ASTN1: variants seen among roughly 807,000 people sequenced by gnomAD.
ASTN1 encodes astrotactin 1.
ASTN1 carries 41 observed loss-of-function variants against 140.7 expected under a neutral mutation model. That is an observed-to-expected ratio of 0.29 (90% CI 0.23 to 0.38). ASTN1 has a LOEUF of 0.38. ASTN1 is among the 10% of genes least tolerant of loss of function. The pLI is 1.00. For synonymous variants in ASTN1, 640 were observed against 652.2 expected, an observed-to-expected ratio of 0.98 and a Z score of 0.29; for missense variants, 1,479 against 1,678.8, an observed-to-expected ratio of 0.88 and a Z score of 2.08.
At chr1:177,129,612 G>T (rs1040016369) in intron 1 of ASTN1, among the ~76,000 whole-genome samples, 1 of 152,192 alleles carries the variant, frequency 6.6e-6, no homozygotes, top group Non-Finnish European at 1.5e-5. Flanking sequence ...ACATTCTTGA[G>T]ACCCAGTGAC....
chr1:177,035,675 G>A (rs147140127), intron 2 of ASTN1, among the ~76,000 whole-genome samples: 2 of 152,216 alleles, frequency 1.3e-5, no homozygotes, highest in African/African-American at 4.8e-5. Flanking sequence ...TTCAACTTAG[G>A]GACCCATTGC....
In ASTN1 at chr1:176,949,171, G is replaced by A; in HGVS notation, c.2054+14C>T. 6.2e-7 allele frequency: 1 copy of A among 1,613,154 alleles called. No homozygotes were observed. Among genetic ancestry groups the A allele is most frequent in the Non-Finnish European group, 8.5e-7 (1 of 1,179,702 alleles). On this transcript the variant is annotated intron_variant, in intron 12 of 22. Transcript: ENST00000361833. The stretch of plus-strand genomic sequence containing the variant: ...AGATGGACGCCAGGTGGCCTCGCTG[G>A]CAGCTCAACTCACCCACAGAACATG...
chr1:176,936,443 C>T, intron 14 of ASTN1, 73 bp from the exon 15 acceptor site: 1 of 1,156,124 alleles, frequency 8.6e-7, no homozygotes, highest in Non-Finnish European at 1.3e-6. Context: ...CATGACCCAC[C>T]TCTATGAGGC....
chr1:177,096,703 G>A (rs1205469907), intron 1 of ASTN1, among the ~76,000 whole-genome samples: 1 of 152,062 alleles, frequency 6.6e-6, no homozygotes, highest in Non-Finnish European at 1.5e-5. Flanking sequence ...ATGCCCTCTT[G>A]CCTGCTGCCA....
At chr1:177,084,820 TTCA>T in intron 1 of ASTN1, among the ~76,000 whole-genome samples, 1 of 152,322 alleles carries the variant, frequency 6.6e-6, no homozygotes, top group East Asian at 1.9e-4. Flanking sequence ...TCTTTTTTTT[TTCA>T]TCAATTGTCC....
chr1:176,948,130 C>G, intron 12 of ASTN1, among the ~76,000 whole-genome samples: 1 of 152,148 alleles, frequency 6.6e-6, no homozygotes, highest in East Asian at 1.9e-4. Flanking sequence ...AACAATCCAG[C>G]CTAGTTTTAT....
At chr1:176,959,916 G>A (rs1251349185) in intron 9 of ASTN1, among the ~76,000 whole-genome samples, 4 of 152,144 alleles carry the variant, frequency 2.6e-5, no homozygotes, top group Non-Finnish European at 5.9e-5. Context: ...GTGCAGGGAG[G>A]TGCCTGCACC....
chr1:177,010,239 T>C (rs892470143), intron 8 of ASTN1, among the ~76,000 whole-genome samples: 1 of 152,142 alleles, frequency 6.6e-6, no homozygotes, highest in African/African-American at 2.4e-5. Flanking sequence ...ACACAGACTT[T>C]AATAGTCTGT....
intron 14 of ASTN1, among the ~76,000 whole-genome samples, chr1:176,942,803 A>G (rs1671775456): frequency 9.8e-6 from 1 of 101,936 alleles, no homozygotes; most frequent in African/African-American, 3.3e-5. Flanking sequence ...GACCAAACCA[A>G]TGTACTTTGT....
At chr1:177,041,846 A>T (rs1030219292) in intron 2 of ASTN1, among the ~76,000 whole-genome samples, 20 of 152,086 alleles carry the variant, frequency 1.3e-4, no homozygotes, top group Non-Finnish European at 2.2e-4. Context: ...TTAATGGGGG[A>T]AAAGAGGTTC....
At chr1:176,988,126 G>A (rs1355243888) in intron 8 of ASTN1, among the ~76,000 whole-genome samples, 2 of 152,108 alleles carry the variant, frequency 1.3e-5, no homozygotes, top group Non-Finnish European at 1.5e-5. Context: ...AAATATCCAA[G>A]AGGTAGTTGA....
intron 8 of ASTN1, among the ~76,000 whole-genome samples, chr1:176,979,581 C>T (rs181132627): frequency 2.4e-4 from 36 of 152,300 alleles, no homozygotes; most frequent in Non-Finnish European, 4.6e-4. Context: ...GTTTCAGTGA[C>T]TCCCTTGCCA....
chr1:177,069,863 A>G (rs1372464346), intron 1 of ASTN1, among the ~76,000 whole-genome samples: 1 of 144,268 alleles, frequency 6.9e-6, no homozygotes, highest in Non-Finnish European at 1.5e-5. Flanking sequence ...AAGGATAAAG[A>G]AAAAAAAAAA....
intron 11 of ASTN1, among the ~76,000 whole-genome samples, chr1:176,957,122 T>C (rs1319133799): frequency 2.6e-5 from 4 of 152,054 alleles, no homozygotes; most frequent in Non-Finnish European, 5.9e-5. Context: ...CAGGCTGGTC[T>C]CAAACTCCTG....
intron 8 of ASTN1, among the ~76,000 whole-genome samples, 176 bp downstream of exon 8, chr1:177,014,615 T>C (rs905122627): frequency 3.3e-5 from 5 of 152,310 alleles, no homozygotes; most frequent in Admixed American, 1.3e-4. Context: ...AAAGATGATA[T>C]AGACGTCACT....
At chr1:176,926,043 C>A (rs970451928) in intron 16 of ASTN1, among the ~76,000 whole-genome samples, 1 of 152,100 alleles carries the variant, frequency 6.6e-6, no homozygotes, top group Admixed American at 6.5e-5. Context: ...TTCTGACCTC[C>A]TGATCTGTCC....
At chr1:176,972,402 G>A (rs147884901) in intron 8 of ASTN1, among the ~76,000 whole-genome samples, 2 of 152,332 alleles carry the variant, frequency 1.3e-5, no homozygotes, top group Non-Finnish European at 2.9e-5. Context: ...GAGCCACAGG[G>A]TTGTTGAGTT....
chr1:176,885,759 A>G (rs932008338), intron 18 of ASTN1, among the ~76,000 whole-genome samples: 1 of 152,180 alleles, frequency 6.6e-6, no homozygotes, highest in Non-Finnish European at 1.5e-5. Context: ...GCACAAGCCC[A>G]TCCCAGTCCC....
At chr1:176,938,132 G>T (rs906724769) in intron 14 of ASTN1, among the ~76,000 whole-genome samples, 6 of 152,098 alleles carry the variant, frequency 3.9e-5, no homozygotes, top group African/African-American at 1.2e-4. Flanking sequence ...TATTCTTTCA[G>T]GGCATTAATC....
Sources: allele counts gnomAD v4.1 joint callset (sites outside exome capture counted in the v4.1 genomes callset), GRCh38; gene constraint gnomAD v4.1.1; transcripts MANE v1.5; gene names NCBI Gene and HGNC (gene_info 2026-07-23, HGNC 2026-07-21).